The following EPHA5 variants were observed in gnomAD, a reference collection of about 807,000 sequenced individuals.
EPHA5 encodes the protein EPH receptor A5.
EPHA5 carries 60 observed loss-of-function variants against 105.0 expected under a neutral mutation model. The observed-to-expected ratio is 0.57, with a 90% CI of 0.46 to 0.71. The LOEUF (loss-of-function observed/expected upper bound fraction) is 0.71. EPHA5 is among the 30% of genes least tolerant of loss of function. The pLI is 0.00. For missense variants in EPHA5, 1,218 were observed against 1,274.7 expected (o/e 0.96, Z 0.68); for synonymous variants, 513 against 449.1 (o/e 1.14, Z -1.80).
intron 5 of EPHA5, among the ~76,000 whole-genome samples, chr4:65,453,478 C>T (rs1289264778): frequency 1.3e-5 from 2 of 152,102 alleles, no homozygotes; most frequent in Non-Finnish European, 2.9e-5. Flanking sequence ...TCCCAATAAA[C>T]AGAAACACCT....
chr4:65,609,515 T>A (rs1744559481), intron 2 of EPHA5, among the ~76,000 whole-genome samples: 1 of 152,116 alleles, frequency 6.6e-6, no homozygotes, highest in Non-Finnish European at 1.5e-5. Context: ...AACACAGAGA[T>A]TAAAACTTTC....
At chr4:65,441,900 A>G (rs1726051081) in intron 5 of EPHA5, among the ~76,000 whole-genome samples, 1 of 152,270 alleles carries the variant, frequency 6.6e-6, no homozygotes, top group East Asian at 1.9e-4. Context: ...GTGCATGCCT[A>G]TAATCTTTTT....
chr4:65,668,950 G>A (rs1346554823), intron 1 of EPHA5, among the ~76,000 whole-genome samples: 1 of 151,892 alleles, frequency 6.6e-6, no homozygotes, highest in Non-Finnish European at 1.5e-5. Flanking sequence ...ACTGTGTGGG[G>A]CGCCTTCTGT....
At position 65,651,059 on chromosome 4, in the gene EPHA5, C is replaced by T. The variant is rs552541719; in HGVS notation, c.182-7632G>A. Among the ~76,000 whole-genome samples the T allele has an allele frequency of 1.4e-4, 22 of 152,264 alleles. No individual in the cohort carries two copies. In the South Asian group the frequency reaches 4.6e-3, roughly 32 times the overall value. ...CTCTCCAGTGATCTGTGAAGGGGAT[C>T]TGCAAAGGAAGGGAATTTAGGTAGA... On this transcript the variant is annotated intron_variant, in intron 1 of 16. Transcript: ENST00000613740.
chr4:65,519,063 T>C (rs1466769860), intron 3 of EPHA5, among the ~76,000 whole-genome samples: 1 of 152,032 alleles, frequency 6.6e-6, no homozygotes, highest in Non-Finnish European at 1.5e-5. Flanking sequence ...GCAAAAATCC[T>C]CAATAAAATT....
intron 8 of EPHA5, among the ~76,000 whole-genome samples, chr4:65,387,895 C>A (rs1720271669): frequency 6.7e-6 from 1 of 149,752 alleles, no homozygotes; most frequent in Admixed American, 6.7e-5. Context: ...TATACATGAG[C>A]CATGCTGGTG....
intron 3 of EPHA5, among the ~76,000 whole-genome samples, chr4:65,540,062 A>T (rs553020523): frequency 4.0e-5 from 6 of 150,970 alleles, no homozygotes; most frequent in Admixed American, 3.3e-4. Context: ...CAGGAAGAAG[A>T]TACTGACAAA....
chr4:65,623,239 G>A lies in EPHA5; in HGVS notation c.246+20124C>T, dbSNP rs1255081176. Among the ~76,000 whole-genome samples, 4 of 151,846 alleles carry A rather than the reference G, an allele frequency of 2.6e-5. No homozygotes were observed. The South Asian group carries it at 6.2e-4, about 24-fold the overall frequency. ...TTTATATATCTAATATTGTTACTAC[G>A]GGGATCACATTAAAAATTATAATTG... On this transcript the variant is annotated intron_variant, in intron 2 of 16. Transcript: ENST00000613740.
At chr4:65,480,261 ATAAG>A (rs1730225267) in intron 5 of EPHA5, among the ~76,000 whole-genome samples, 3 of 152,212 alleles carry the variant, frequency 2.0e-5, no homozygotes, top group Admixed American at 2.0e-4. Flanking sequence ...TCAAATTTGA[ATAAG>A]TATGCAGTGA....
intron 2 of EPHA5, among the ~76,000 whole-genome samples, chr4:65,612,074 T>G (rs560030600): frequency 1.5e-4 from 20 of 131,938 alleles, no homozygotes; most frequent in African/African-American, 5.8e-4. Context: ...AGAAAAGAAA[T>G]TGAGGCCATC....
chr4:65,496,109 C>T (rs893360863), intron 3 of EPHA5, among the ~76,000 whole-genome samples: 1 of 152,084 alleles, frequency 6.6e-6, no homozygotes, highest in African/African-American at 2.4e-5. Flanking sequence ...ATTTGTTTTA[C>T]ATTTACTTCA....
chr4:65,602,774 GA>G (rs1743865186), intron 2 of EPHA5, among the ~76,000 whole-genome samples: 2 of 152,012 alleles, frequency 1.3e-5, no homozygotes, highest in South Asian at 2.1e-4. Flanking sequence ...AAAGAAGGGA[GA>G]AAAATGTAAT....
intron 2 of EPHA5, among the ~76,000 whole-genome samples, chr4:65,609,346 T>C (rs545351004): frequency 1.3e-4 from 20 of 152,300 alleles, no homozygotes; most frequent in Admixed American, 6.5e-4. Flanking sequence ...AAAACATCTT[T>C]AAAATTCGTA....
At chr4:65,589,840 G>A (rs1742465388) in intron 3 of EPHA5, among the ~76,000 whole-genome samples, 1 of 152,168 alleles carries the variant, frequency 6.6e-6, no homozygotes, top group Non-Finnish European at 1.5e-5. Context: ...GAAAATGAAG[G>A]CTAAGGGAAA....
At chr4:65,399,493 C>T (rs980225569) in intron 8 of EPHA5, among the ~76,000 whole-genome samples, 8 of 152,188 alleles carry the variant, frequency 5.3e-5, no homozygotes, top group Admixed American at 5.2e-4. Context: ...GCCACAGAGG[C>T]TTCTGCCTGG....
chr4:65,404,987 A>G (rs1722219666), intron 7 of EPHA5, among the ~76,000 whole-genome samples: 1 of 152,164 alleles, frequency 6.6e-6, no homozygotes, highest in Admixed American at 6.6e-5. Flanking sequence ...GTAAAATATA[A>G]TATCACTATT....
At chr4:65,342,363 G>C (rs1721814067) in intron 14 of EPHA5, among the ~76,000 whole-genome samples, 1 of 151,988 alleles carries the variant, frequency 6.6e-6, no homozygotes, top group Admixed American at 6.6e-5. Flanking sequence ...AGATTACATA[G>C]CAATGAGGCT....
chr4:65,573,769 C>T, intron 3 of EPHA5: 2 of 1,612,648 alleles, frequency 1.2e-6, no homozygotes, highest in Non-Finnish European at 1.7e-6. Flanking sequence ...AACGGCGGTA[C>T]CCGGGTGGTT....
intron 4 of EPHA5, among the ~76,000 whole-genome samples, chr4:65,494,314 C>G (rs551359000): frequency 6.6e-6 from 1 of 152,226 alleles, no homozygotes; most frequent in South Asian, 2.1e-4. Flanking sequence ...AACAAAAAAT[C>G]TTCACTGCTT....
Sources: allele counts gnomAD v4.1 joint callset (sites outside exome capture counted in the v4.1 genomes callset), GRCh38; gene constraint gnomAD v4.1.1; transcripts MANE v1.5; gene names NCBI Gene and HGNC (gene_info 2026-07-23, HGNC 2026-07-21).